Variants in PLA2G6 observed in about 807,000 individuals in gnomAD.
The protein encoded by PLA2G6 is 85/88 kDa calcium-independent phospholipase A2.
PLA2G6 carries 62 observed loss-of-function variants against 83.8 expected under a neutral mutation model. The ratio of observed to expected loss-of-function variants is 0.74; its 90% CI spans 0.60 to 0.91. The LOEUF (loss-of-function observed/expected upper bound fraction) is 0.91, where lower values mean the gene tolerates loss of function less well. Among genes scored for constraint, PLA2G6 ranks in the 40% least tolerant of loss-of-function variants. The probability of loss-of-function intolerance (pLI) is 0.00; values close to 1 mark genes in which losing one functional copy is unlikely to be tolerated. For missense variants in PLA2G6, 944 were observed against 1,102.0 expected, an observed-to-expected ratio of 0.86 and a Z score of 2.03; for synonymous variants, 417 against 449.8, an observed-to-expected ratio of 0.93 and a Z score of 0.92.
Position 38,129,421 on chromosome 22 carries a change from C to G in PLA2G6, c.1186+33G>C. 3 of 1,452,190 alleles carry G rather than the reference C, an allele frequency of 2.1e-6. 1 individual carries two copies. In the South Asian group the frequency reaches 3.4e-5, roughly 17 times the overall value. The allele number at this position is 1,452,190 out of a possible 1,614,324, so 90.0% of individuals were successfully genotyped here. On this transcript the variant is annotated intron_variant, in intron 8 of 16. Transcript: ENST00000332509. ...GGTCCCTGTATCCACCCAACCCTCA[C>G]CCCACTCCAGCCCCAGAGTGCAGAG... is the stretch of plus-strand genomic sequence containing the variant.
chr22:38,132,890 C>T lies in PLA2G6; in HGVS notation c.1018G>A (p.Gly340Arg), dbSNP rs1320175325. 1.9e-6 allele frequency: 3 copies of T among 1,554,880 alleles called. No homozygotes were observed. The highest frequency in any genetic ancestry group is 1.2e-5 in the South Asian group (1 of 84,368). Residue 340 changes from glycine to arginine, a missense_variant, in exon 7 of 17, where the codon GGG becomes AGG. Transcript: ENST00000332509. The surrounding 1 kb of genome is among the most constrained non-coding windows in gnomAD (Gnocchi z 5.0). ...TCTCCGCGGGCATCCGCGTTGGCCCCGTGGGTCAGCAGCACTATGGCACAG... is the reference window on the plus strand; with the variant it reads ...TCTCCGCGGGCATCCGCGTTGGCCCTGTGGGTCAGCAGCACTATGGCACAG... ...FDCAIVLLTHGANADARGEHG... is the reference protein window; with the variant it reads ...FDCAIVLLTHRANADARGEHG...
At chr22:38,170,941 C>T (rs1366965577) in intron 1 of PLA2G6, among the ~76,000 whole-genome samples, 3 of 152,034 alleles carry the variant, frequency 2.0e-5, no homozygotes, top group Non-Finnish European at 4.4e-5. Context: ...GAGGCCGACT[C>T]GGGCGGATCA....
At chr22:38,118,819 T>A (rs2087360561) in intron 12 of PLA2G6, among the ~76,000 whole-genome samples, 1 of 151,540 alleles carries the variant, frequency 6.6e-6, no homozygotes, top group African/African-American at 2.4e-5. Context: ...AGTGATGGGA[T>A]CACAGCCCAC....
intron 14 of PLA2G6, among the ~76,000 whole-genome samples, chr22:38,114,042 C>T (rs886111051): frequency 3.3e-5 from 5 of 152,198 alleles, no homozygotes; most frequent in African/African-American, 1.2e-4. Context: ...ATTTAATCTC[C>T]AGCCAGTCTG....
chr22:38,121,039 C>A, intron 11 of PLA2G6, 130 bp from the exon 12 acceptor site: 2 of 978,180 alleles, frequency 2.0e-6, no homozygotes, highest in Non-Finnish European at 3.1e-6. Context: ...TAAGCAAACC[C>A]AAATTCTGGG....
chr22:38,179,245 G>C (rs1249461895), intron 1 of PLA2G6, among the ~76,000 whole-genome samples: 2 of 152,198 alleles, frequency 1.3e-5, no homozygotes, highest in Non-Finnish European at 2.9e-5. Flanking sequence ...AGGCAACAGG[G>C]GGCCAGGCAT....
chr22:38,154,441 G>A (rs893890849), intron 2 of PLA2G6, among the ~76,000 whole-genome samples: 3 of 152,244 alleles, frequency 2.0e-5, no homozygotes, highest in African/African-American at 7.2e-5. Flanking sequence ...AGTAAGGGAA[G>A]AGAACAAGAG....
At chr22:38,118,710 T>C (rs1186101919) in intron 12 of PLA2G6, among the ~76,000 whole-genome samples, 1 of 151,930 alleles carries the variant, frequency 6.6e-6, no homozygotes, top group African/African-American at 2.4e-5. Flanking sequence ...GTAGAATTTA[T>C]AAATATTTTT....
chr22:38,158,906 A>G (rs2145885862), intron 2 of PLA2G6, among the ~76,000 whole-genome samples: 1 of 152,336 alleles, frequency 6.6e-6, no homozygotes, highest in African/African-American at 2.4e-5. Context: ...GGTGCCATTT[A>G]AAAAGCGGCT....
In PLA2G6 at chr22:38,112,312, G is replaced by A. The variant is rs571223704; in HGVS notation, c.2277-7C>T. The A allele has an allele frequency of 3.7e-5, 60 of 1,612,900 alleles. 1 individual carries two copies. Among genetic ancestry groups the A allele is most frequent in the South Asian group, 5.5e-5 (5 of 90,926 alleles). ...CCCCAGCTGGGGGTTCAATCTGTTC[G>A]GGCCAGGGAGGAGGGGGTCACCCTA... On this transcript the variant is annotated splice_region_variant and splice_polypyrimidine_tract_variant and intron_variant, in intron 16 of 16. Coordinates refer to ENST00000332509, the MANE Select transcript of PLA2G6 (RefSeq NM_003560.4).
In PLA2G6 at chr22:38,134,989, T is replaced by G; in HGVS notation, c.893A>C (p.Glu298Ala). 1 of 814,066 alleles carries G rather than the reference T, an allele frequency of 1.2e-6. No individual in the cohort carries two copies. The allele number at this position is 814,066 out of a possible 1,614,324, so 50.4% of individuals were successfully genotyped here. A position where few individuals can be genotyped will look rare whatever the true frequency, so the allele number is the denominator to read the frequency against. The change falls in exon 6 of 17, where the codon GAG becomes GCG. Residue 298 changes from glutamate (E) to alanine (A), a missense_variant and splice_region_variant. By Grantham distance (107) the Glu-to-Ala change is moderately radical. Coordinates refer to ENST00000332509, the MANE Select transcript of PLA2G6 (RefSeq NM_003560.4). ...ASPLHWAKNA[E>A]MARMLLKRGC... ...CCACCCACCTCAGGATCCACTCACC[T>G]CTGCGTTCTTGGCCCAGTGGAGGGG...
In PLA2G6 at chr22:38,132,813, A is replaced by G; in HGVS notation, c.1077+18T>C. ...CCACCGGGGCCCCACAGGGCAGGACACGCGGTCCTGGGCTCACCGACATGG... is the reference window on the plus strand; with the variant it reads ...CCACCGGGGCCCCACAGGGCAGGACGCGCGGTCCTGGGCTCACCGACATGG... On this transcript the variant is annotated intron_variant, in intron 7 of 16. Coordinates refer to ENST00000332509, the MANE Select transcript of PLA2G6 (RefSeq NM_003560.4). This position sits in a 1 kb window ranked among gnomAD's most constrained non-coding sequence, Gnocchi z 5.0. 6.5e-7 allele frequency: 1 copy of G among 1,538,428 alleles called. No homozygotes were observed. The highest frequency in any genetic ancestry group is 8.7e-7 in the Non-Finnish European group (1 of 1,144,592).
Position 38,143,306 on chromosome 22 carries a change from G to T in PLA2G6, c.426-18C>A. On this transcript the variant is annotated intron_variant, in intron 3 of 16. Coordinates refer to ENST00000332509, the MANE Select transcript of PLA2G6 (RefSeq NM_003560.4). ...TGGCACAGCTGCAGGAGAGGGCCAG[G>T]GTGAGCAGAGGTGAGCAGGTGTGGT... 6.2e-7 allele frequency: 1 copy of T among 1,605,498 alleles called. No individual in the cohort carries two copies. Among genetic ancestry groups the T allele is most frequent in the Non-Finnish European group, 8.5e-7 (1 of 1,179,220 alleles).
intron 14 of PLA2G6, among the ~76,000 whole-genome samples, chr22:38,114,263 C>T (rs1054925138): frequency 1.3e-5 from 2 of 151,742 alleles, no homozygotes; most frequent in East Asian, 3.9e-4. Flanking sequence ...TCACTGCAAG[C>T]TCCGCCTCCT....
At chr22:38,169,150 T>A (rs903248691) in intron 2 of PLA2G6, 68 bp downstream of exon 2, 1 of 1,247,538 alleles carries the variant, frequency 8.0e-7, no homozygotes, top group African/African-American at 1.5e-5. Context: ...TCTCGGCCAA[T>A]AAGACCTCCA....
intron 5 of PLA2G6, chr22:38,136,268 T>G (rs1407132056): frequency 6.6e-6 from 1 of 152,096 alleles, no homozygotes; most frequent in Non-Finnish European, 1.5e-5. Flanking sequence ...TAAATGTGAT[T>G]AAAACCACCG....
chr22:38,113,028 T>A (rs904524953), intron 15 of PLA2G6, among the ~76,000 whole-genome samples: 3 of 152,104 alleles, frequency 2.0e-5, no homozygotes, highest in Admixed American at 6.6e-5. Context: ...CACCTCAGCC[T>A]CCTGAGTAGC....
At chr22:38,152,052 C>A (rs897836747) in intron 2 of PLA2G6, among the ~76,000 whole-genome samples, 1 of 152,112 alleles carries the variant, frequency 6.6e-6, no homozygotes, top group African/African-American at 2.4e-5. Flanking sequence ...GCCCCCCAAA[C>A]CTCATGTTAA....
chr22:38,168,710 C>T (rs916363775), intron 2 of PLA2G6, among the ~76,000 whole-genome samples: 5 of 152,114 alleles, frequency 3.3e-5, no homozygotes, highest in Non-Finnish European at 5.9e-5. Context: ...ATCAGCTGGG[C>T]GTGGTGGTGG....
Sources: gnomAD v4.1 joint callset for allele counts (sites outside exome capture counted in the v4.1 genomes callset) on GRCh38, gnomAD v4.1.1 for gene constraint, Gnocchi (gnomAD v3.1) non-coding constraint, MANE v1.5 for transcripts, NCBI Gene and HGNC (gene_info 2026-07-23, HGNC 2026-07-21) for gene names.